PCDHA4: variants seen among roughly 807,000 people sequenced by gnomAD.
The protein encoded by PCDHA4 is protocadherin alpha 4.
PCDHA4 carries 49 observed loss-of-function variants against 61.4 expected under a neutral mutation model. The observed-to-expected ratio is 0.80, with a 90% confidence interval of 0.63 to 1.01. The LOEUF is 1.01. PCDHA4 is among the 50% of genes least tolerant of loss of function. The pLI is 0.00. For missense variants in PCDHA4, 1,254 were observed against 1,235.8 expected, an observed-to-expected ratio of 1.01 and a Z score of -0.22; for synonymous variants, 590 against 550.3, an observed-to-expected ratio of 1.07 and a Z score of -1.01.
intron 1 of PCDHA4, among the ~76,000 whole-genome samples, chr5:140,899,954 T>C (rs1240765868): frequency 6.6e-6 from 1 of 151,586 alleles, no homozygotes; most frequent in Non-Finnish European, 1.5e-5. Context: ...ACCACAGGCA[T>C]GTGCTGCCAT....
chr5:140,854,265 A>C lies in PCDHA4; in HGVS notation c.2385+44693A>C, dbSNP rs2043061448. The C allele has an allele frequency of 6.7e-6, 4 of 593,530 alleles. 1 individual carries two copies. The highest frequency in any genetic ancestry group is 4.0e-5 in the African/African-American group (2 of 49,606). The allele number at this position is 593,530 out of a possible 1,614,324, so 36.8% of individuals were successfully genotyped here. A position where few individuals can be genotyped will look rare whatever the true frequency, so the allele number is the denominator to read the frequency against. ...TATCACTTGGTATAAAATGTACATT[A>C]GTAGAAATTGAGTTTAGTTTTTATT... On this transcript the variant is annotated intron_variant, in intron 1 of 3. Transcript: ENST00000530339.
At chr5:140,903,500 G>C (rs553764100) in intron 1 of PCDHA4, among the ~76,000 whole-genome samples, 5 of 152,184 alleles carry the variant, frequency 3.3e-5, no homozygotes, top group Non-Finnish European at 7.3e-5. Flanking sequence ...AGGTACCATA[G>C]ATAATAGTTC....
At chr5:140,929,231 T>G in intron 1 of PCDHA4, 2 of 1,613,886 alleles carry the variant, frequency 1.2e-6, no homozygotes, top group Non-Finnish European at 1.7e-6. Context: ...GCTGCCGACC[T>G]GCGAAATCTT....
chr5:140,982,795 ATG>A (rs60616196), intron 3 of PCDHA4, among the ~76,000 whole-genome samples: 18 of 151,504 alleles, frequency 1.2e-4, no homozygotes, highest in African/African-American at 3.2e-4. Flanking sequence ...GCATGTGTGC[ATG>A]TGTGTGTGTG....
chr5:140,971,718 G>A (rs1554233569), intron 1 of PCDHA4, among the ~76,000 whole-genome samples: 3 of 151,796 alleles, frequency 2.0e-5, no homozygotes, highest in Non-Finnish European at 2.9e-5. Flanking sequence ...ATAGATATAT[G>A]TATATCATAC....
At chr5:140,955,397 A>T (rs1470827673) in intron 1 of PCDHA4, among the ~76,000 whole-genome samples, 19 of 152,128 alleles carry the variant, frequency 1.2e-4, no homozygotes, top group Admixed American at 1.1e-3. Context: ...CAATTATCCC[A>T]TACAGTTCTC....
In PCDHA4 at chr5:140,829,776, C is replaced by A. The variant is rs2150174390; in HGVS notation, c.2385+20204C>A. On this transcript the variant is annotated intron_variant, in intron 1 of 3. Coordinates refer to ENST00000530339, the MANE Select transcript of PCDHA4 (RefSeq NM_018907.4). The stretch of plus-strand genomic sequence containing the variant: ...TTCGTGCTGGACGAGAACGACAACG[C>A]GCCGGCGCTGCTGGCGCCTCGGGTG... The A allele has an allele frequency of 9.3e-6, 15 of 1,613,686 alleles. No homozygotes were observed. In the East Asian group the frequency reaches 3.3e-4, roughly 36 times the overall value.
Position 140,929,116 on chromosome 5 carries a change from A to G in PCDHA4, c.2386-49833A>G, listed in dbSNP as rs535394812. The G allele has an allele frequency of 2.9e-5, 47 of 1,614,170 alleles. No homozygotes were observed. The East Asian group carries it at 8.9e-4, about 31-fold the overall frequency. Reference sequence around the variant, plus strand: ...AAATCCTTGCATGACATCAGCCACCATAGATGTCACTACAGTTGAGAGACT... The same window carrying G: ...AAATCCTTGCATGACATCAGCCACCGTAGATGTCACTACAGTTGAGAGACT... On this transcript the variant is annotated intron_variant, in intron 1 of 3. Coordinates refer to ENST00000530339, the MANE Select transcript of PCDHA4 (RefSeq NM_018907.4).
In PCDHA4 at chr5:140,849,948, C is replaced by T. The variant is rs2150459540; in HGVS notation, c.2385+40376C>T. ...GGTGTCTGCGCGGGACGCTGACGCG[C>T]AGGAGAACGCCCTGGTGTCCTACTC... On this transcript the variant is annotated intron_variant, in intron 1 of 3. Coordinates refer to ENST00000530339, the MANE Select transcript of PCDHA4 (RefSeq NM_018907.4). 4 of 1,597,728 alleles carry T rather than the reference C, an allele frequency of 2.5e-6. 1 individual carries two copies. The East Asian group carries it at 8.9e-5, about 36-fold the overall frequency.
At chr5:140,922,815 C>G (rs2081002299) in intron 1 of PCDHA4, among the ~76,000 whole-genome samples, 2 of 152,158 alleles carry the variant, frequency 1.3e-5, no homozygotes, top group Non-Finnish European at 2.9e-5. Context: ...AAAGGAGATA[C>G]AGCATACTGC....
At chr5:140,850,157 C>T (rs2150470014) in intron 1 of PCDHA4, 2 of 1,594,994 alleles carry the variant, frequency 1.3e-6, no homozygotes, top group African/African-American at 1.3e-5. Flanking sequence ...TGCAGGTGTT[C>T]GTGCTGGACG....
In PCDHA4 at chr5:140,807,219, C is replaced by T; in HGVS notation, c.32C>T (p.Ser11Phe). Reference sequence around the variant, plus strand: ...TTTTCCTGGGGAAGCGGCCAGGAATCCCGGCGTCTGCTGCTCTTACTTCTT... The same window carrying T: ...TTTTCCTGGGGAAGCGGCCAGGAATTCCGGCGTCTGCTGCTCTTACTTCTT... MEFSWGSGQE[S>F]RRLLLLLLLL... Residue 11 changes from serine (S) to phenylalanine (F), a missense_variant, in exon 1 of 4, where the codon TCC becomes TTC. Transcript: ENST00000530339. 1.2e-6 allele frequency: 2 copies of T among 1,614,030 alleles called. No homozygotes were observed. Among genetic ancestry groups the T allele is most frequent in the Non-Finnish European group, 8.5e-7 (1 of 1,179,896 alleles).
At chr5:140,925,146 A>G (rs1467973124) in intron 1 of PCDHA4, among the ~76,000 whole-genome samples, 5 of 151,742 alleles carry the variant, frequency 3.3e-5, no homozygotes, top group Admixed American at 3.3e-4. Flanking sequence ...AACATACACA[A>G]AAGTTGAGAG....
intron 1 of PCDHA4, among the ~76,000 whole-genome samples, chr5:140,844,413 A>C (rs1581068328): frequency 6.7e-6 from 1 of 149,462 alleles, no homozygotes; most frequent in South Asian, 2.1e-4. Flanking sequence ...ATTTGGAGAC[A>C]TGTTTTTTAT....
At chr5:140,895,897 C>T (rs994708254) in intron 1 of PCDHA4, among the ~76,000 whole-genome samples, 25 of 152,240 alleles carry the variant, frequency 1.6e-4, no homozygotes, top group African/African-American at 5.3e-4. Flanking sequence ...CTGCAACCTC[C>T]GCGTCCCGGG....
chr5:140,969,921 G>A (rs1417032241), intron 1 of PCDHA4, among the ~76,000 whole-genome samples: 2 of 152,198 alleles, frequency 1.3e-5, no homozygotes, highest in African/African-American at 2.4e-5. Flanking sequence ...TAAAGCTGTA[G>A]TATTTAGACA....
intron 1 of PCDHA4, chr5:140,969,250 C>T (rs1554231631): frequency 6.2e-7 from 1 of 1,614,216 alleles, no homozygotes; most frequent in Admixed American, 1.7e-5. Flanking sequence ...CAGTGACTGA[C>T]AGCAGGAATC....
rs190183922 is a variant in PCDHA4, at chr5:140,912,839, T to C, written c.2386-66110T>C. ...AGGGATTTTGAATTTTATTAAATGC[T>C]TTTTCAGCATCAATTGAAATGATAT... On this transcript the variant is annotated intron_variant, in intron 1 of 3. Coordinates refer to ENST00000530339, the MANE Select transcript of PCDHA4 (RefSeq NM_018907.4). Among the ~76,000 whole-genome samples the C allele has an allele frequency of 6.6e-5, 10 of 152,356 alleles. No individual in the cohort carries two copies. In the East Asian group the frequency reaches 1.9e-3, roughly 29 times the overall value.
chr5:140,861,353 T>C lies in PCDHA4; in HGVS notation c.2385+51781T>C, dbSNP rs79040493. The C allele has an allele frequency of 1.3e-3, 424 of 327,094 alleles. 1 individual carries two copies. Among genetic ancestry groups the C allele is most frequent in the African/African-American group, 8.5e-3 (393 of 46,466 alleles). The allele number at this position is 327,094 out of a possible 1,614,324, so 20.3% of individuals were successfully genotyped here. On this transcript the variant is annotated intron_variant, in intron 1 of 3. Coordinates refer to ENST00000530339, the MANE Select transcript of PCDHA4 (RefSeq NM_018907.4). ...CCTGGAAGAGGCCAAGGACGGCACA[T>C]AGCGTCTTCGCGGTCCCTATTGCGC...
Sources: allele counts gnomAD v4.1 joint callset (sites outside exome capture counted in the v4.1 genomes callset), GRCh38; gene constraint gnomAD v4.1.1; transcripts MANE v1.5; gene names NCBI Gene and HGNC (gene_info 2026-07-23, HGNC 2026-07-21).